Variants in CNTN4 observed in about 807,000 individuals in gnomAD.
The protein encoded by CNTN4 is contactin-4.
In CNTN4, 77 loss-of-function variants were observed where a neutral mutation model predicts 122.5. The observed-to-expected ratio is 0.63, with a 90% CI of 0.52 to 0.76. CNTN4 has a LOEUF of 0.76. CNTN4 is among the 30% of genes least tolerant of loss of function. CNTN4 has a pLI of 0.00. For missense variants in CNTN4, 1,256 were observed against 1,259.1 expected (o/e 1.00, Z 0.04); for synonymous variants, 512 against 447.0 (o/e 1.15, Z -1.83).
At chr3:2,844,946 C>G (rs2093429443) in intron 7 of CNTN4, among the ~76,000 whole-genome samples, 2 of 152,178 alleles carry the variant, frequency 1.3e-5, no homozygotes, top group African/African-American at 4.8e-5. Flanking sequence ...TTGGAGCACT[C>G]TGTTCCTAGG....
Position 2,324,785 on chromosome 3 carries a change from G to A in CNTN4, c.-144-14393G>A, listed in dbSNP as rs750076596. On this transcript the variant is annotated intron_variant, in intron 2 of 24. Coordinates refer to ENST00000418658, the MANE Select transcript of CNTN4 (RefSeq NM_175607.3). ...GGCACTTCTCCAGGGGGCTGGACAAGCCTGGCTCATCTAATTTCTACCCTC... is the reference window on the plus strand; with the variant it reads ...GGCACTTCTCCAGGGGGCTGGACAAACCTGGCTCATCTAATTTCTACCCTC... Among the ~76,000 whole-genome samples, 6 of 151,878 alleles carry A rather than the reference G, an allele frequency of 4.0e-5. No homozygotes were observed. The South Asian group carries it at 6.3e-4, about 16-fold the overall frequency.
chr3:2,134,277 G>A (rs1196964135), intron 2 of CNTN4, among the ~76,000 whole-genome samples: 1 of 152,142 alleles, frequency 6.6e-6, no homozygotes, highest in Non-Finnish European at 1.5e-5. Context: ...CCCACAATGA[G>A]GTTTATTAAA....
chr3:2,681,031 A>G (rs1166776471), intron 4 of CNTN4, among the ~76,000 whole-genome samples: 1 of 152,220 alleles, frequency 6.6e-6, no homozygotes, highest in Non-Finnish European at 1.5e-5. Flanking sequence ...TGTATAGGGA[A>G]TGCTTTTAGA....
intron 2 of CNTN4, among the ~76,000 whole-genome samples, chr3:2,104,716 G>A (rs2032289094): frequency 6.6e-6 from 1 of 152,178 alleles, no homozygotes; most frequent in Non-Finnish European, 1.5e-5. Flanking sequence ...CTGAGAAGTG[G>A]TGTCTAGCTG....
intron 2 of CNTN4, among the ~76,000 whole-genome samples, chr3:2,312,816 C>T (rs1445489609): frequency 2.0e-5 from 3 of 151,692 alleles, no homozygotes; most frequent in Admixed American, 1.3e-4. Context: ...ACTGTTTTTA[C>T]GTGTATGTTT....
chr3:2,753,968 A>C (rs984378568), intron 6 of CNTN4, among the ~76,000 whole-genome samples: 1 of 152,198 alleles, frequency 6.6e-6, no homozygotes, highest in African/African-American at 2.4e-5. Context: ...TCTAAAAGTT[A>C]AGATGCAGAT....
intron 7 of CNTN4, among the ~76,000 whole-genome samples, chr3:2,833,152 C>T (rs2093139550): frequency 6.6e-6 from 1 of 152,146 alleles, no homozygotes; most frequent in South Asian, 2.1e-4. Context: ...GATGCATCTC[C>T]ACTGTGCTTT....
chr3:2,522,603 A>T (rs2077261100), intron 3 of CNTN4, among the ~76,000 whole-genome samples: 1 of 152,146 alleles, frequency 6.6e-6, no homozygotes, highest in Admixed American at 6.6e-5. Context: ...GAGTGCAAAC[A>T]TTAGGTAGTG....
At chr3:2,547,069 G>A (rs1230935464) in intron 3 of CNTN4, among the ~76,000 whole-genome samples, 1 of 151,938 alleles carries the variant, frequency 6.6e-6, no homozygotes, top group African/African-American at 2.4e-5. Flanking sequence ...TTCGATGTAG[G>A]TGATAAAAAT....
intron 13 of CNTN4, among the ~76,000 whole-genome samples, chr3:2,926,288 T>C (rs1324835927): frequency 6.6e-6 from 1 of 152,232 alleles, no homozygotes; most frequent in Non-Finnish European, 1.5e-5. Context: ...ATGCTTTTTA[T>C]TTCAACTACA....
intron 3 of CNTN4, among the ~76,000 whole-genome samples, chr3:2,403,554 A>C (rs1195666017): frequency 6.6e-6 from 1 of 152,144 alleles, no homozygotes; most frequent in Non-Finnish European, 1.5e-5. Context: ...GCATACCATA[A>C]GATAAGCACT....
At chr3:3,010,378 C>T (rs1249421620) in intron 14 of CNTN4, among the ~76,000 whole-genome samples, 2 of 151,618 alleles carry the variant, frequency 1.3e-5, no homozygotes, top group African/African-American at 4.8e-5. Flanking sequence ...TTCAGGGTTT[C>T]TTATCTGCTA....
At chr3:2,171,276 G>A (rs1303707237) in intron 2 of CNTN4, among the ~76,000 whole-genome samples, 3 of 152,116 alleles carry the variant, frequency 2.0e-5, no homozygotes, top group African/African-American at 7.2e-5. Context: ...GATAAGGTGG[G>A]TCTACATGTA....
intron 3 of CNTN4, among the ~76,000 whole-genome samples, chr3:2,352,018 A>AT (rs2044645871): frequency 6.6e-6 from 1 of 152,210 alleles, no homozygotes; most frequent in Non-Finnish European, 1.5e-5. Flanking sequence ...CAGTTTAATC[A>AT]TTTTTGATTT....
At chr3:2,800,960 A>G (rs1234802066) in intron 6 of CNTN4, among the ~76,000 whole-genome samples, 1 of 152,188 alleles carries the variant, frequency 6.6e-6, no homozygotes, top group Non-Finnish European at 1.5e-5. Flanking sequence ...TTTAAAAATT[A>G]TAGCCTTCCT....
At chr3:2,384,782 G>T (rs1302312823) in intron 3 of CNTN4, among the ~76,000 whole-genome samples, 1 of 152,048 alleles carries the variant, frequency 6.6e-6, no homozygotes, top group Non-Finnish European at 1.5e-5. Flanking sequence ...GTGTGTGTGT[G>T]TGTGTGTTCA....
chr3:3,003,930 C>G (rs1159909454), intron 14 of CNTN4, among the ~76,000 whole-genome samples: 1 of 151,714 alleles, frequency 6.6e-6, no homozygotes, highest in Non-Finnish European at 1.5e-5. Context: ...ACTAATTTTT[C>G]TGTATTTTTT....
chr3:2,233,822 C>T (rs1425630587), intron 2 of CNTN4, among the ~76,000 whole-genome samples: 9 of 152,088 alleles, frequency 5.9e-5, no homozygotes, highest in Non-Finnish European at 1.2e-4. Flanking sequence ...ATGGAAAAGT[C>T]GGGACTCCCT....
At chr3:2,242,503 T>C (rs2039981352) in intron 2 of CNTN4, among the ~76,000 whole-genome samples, 1 of 152,146 alleles carries the variant, frequency 6.6e-6, no homozygotes. Context: ...CATAGGTAAA[T>C]GTGAAGCAGA....
Sources: gnomAD v4.1 joint callset for allele counts (sites outside exome capture counted in the v4.1 genomes callset) on GRCh38, gnomAD v4.1.1 for gene constraint, MANE v1.5 for transcripts, NCBI Gene and HGNC (gene_info 2026-07-23, HGNC 2026-07-21) for gene names.